The following STXBP2 variants were observed in gnomAD, a reference collection of about 807,000 sequenced individuals.
STXBP2 encodes syntaxin binding protein 2, also known as syntaxin-binding protein 2.
A neutral mutation model predicts 72.2 loss-of-function variants in STXBP2; 47 were observed. The observed-to-expected ratio is 0.65, with a 90% CI of 0.51 to 0.83. The LOEUF (loss-of-function observed/expected upper bound fraction) is 0.83. STXBP2 is among the 40% of genes least tolerant of loss of function. The pLI is 0.00. For synonymous variants in STXBP2, 367 were observed against 338.7 expected, an observed-to-expected ratio of 1.08 and a Z score of -0.92; for missense variants, 702 against 807.6, an observed-to-expected ratio of 0.87 and a Z score of 1.58.
chr19:7,645,892 C>T, intron 15 of STXBP2: 1 of 395,394 alleles, frequency 2.5e-6, no homozygotes, highest in Non-Finnish European at 4.5e-6. Context: ...GCTCCCCTCC[C>T]CTCTCCGTCC....
At chr19:7,645,470 A>G (rs2032096878) in intron 15 of STXBP2, 164 bp downstream of exon 15, 14 of 645,506 alleles carry the variant, frequency 2.2e-5, no homozygotes, top group South Asian at 1.8e-4. Context: ...TGGGGCCCAG[A>G]GGACACTGGG....
At chr19:7,636,076 C>T (rs533162790), upstream of STXBP2, among the ~76,000 whole-genome samples, 1 of 152,302 alleles carries the variant, frequency 6.6e-6, no homozygotes, top group South Asian at 2.1e-4. Flanking sequence ...CCCCTACCTT[C>T]TGTGGCACTT....
chr19:7,631,661 C>G, the STXBP2 span: 2 of 1,453,118 alleles, frequency 1.4e-6, no homozygotes, highest in Non-Finnish European at 9.1e-7. Flanking sequence ...TTTTGGGGGC[C>G]GAGTGAGACC....
upstream of STXBP2, among the ~76,000 whole-genome samples, chr19:7,635,008 C>G (rs1811291457): frequency 6.6e-6 from 1 of 152,372 alleles, no homozygotes; most frequent in Admixed American, 6.5e-5. Context: ...CTACTCTACT[C>G]CAGTGTGACC....
chr19:7,642,565 C>T lies in STXBP2; in HGVS notation c.902+29C>T, dbSNP rs761105342. On this transcript the variant is annotated intron_variant, in intron 10 of 18. Transcript: ENST00000221283. This position sits in a 1 kb window ranked among gnomAD's most constrained non-coding sequence, Gnocchi z 6.0. Reference sequence around the variant, plus strand: ...CGTGCACACGGGGACCGGATCCCCCCCCCACCGCCCACTGTGGGCCTGGTA... The same window carrying T: ...CGTGCACACGGGGACCGGATCCCCCTCCCACCGCCCACTGTGGGCCTGGTA... The T allele has an allele frequency of 1.6e-5, 26 of 1,610,182 alleles. No individual in the cohort carries two copies. Among genetic ancestry groups the T allele is most frequent in the Non-Finnish European group, 2.2e-5 (26 of 1,177,040 alleles).
At chr19:7,637,042 A>AG (rs965910603), upstream of STXBP2, 5 of 1,168,026 alleles carry the variant, frequency 4.3e-6, no homozygotes, top group Non-Finnish European at 5.4e-6. Flanking sequence ...CCAGGTGCGC[A>AG]GGGGGCGGGG....
chr19:7,644,704 G>C lies in STXBP2; in HGVS notation c.1198G>C (p.Ala400Pro). The C allele has an allele frequency of 6.2e-7, 1 of 1,613,762 alleles. No individual in the cohort carries two copies. Among genetic ancestry groups the C allele is most frequent in the Non-Finnish European group, 8.5e-7 (1 of 1,179,842 alleles). The change falls in exon 14 of 19, where the codon GCC becomes CCC. Residue 400 changes from alanine to proline, a missense_variant. Transcript: ENST00000221283. ...VPVLLDAAVP[A>P]YDKIRVLLLY... ...GGTGCTGCTGGACGCGGCGGTGCCC[G>C]CCTACGACAAGATCCGGGTCCTGCT...
At chr19:7,629,818 G>A in the STXBP2 span, 1 of 1,536,936 alleles carries the variant, frequency 6.5e-7, no homozygotes, top group Non-Finnish European at 8.7e-7. Context: ...TGGCTTTGTT[G>A]ACCGGGAGAA....
At chr19:7,647,690 C>T in intron 18 of STXBP2, 35 bp from the exon 19 acceptor site, 2 of 1,611,970 alleles carry the variant, frequency 1.2e-6, no homozygotes, top group Non-Finnish European at 1.7e-6. Context: ...GGCAGCGCCC[C>T]CCAACATCTT....
At chr19:7,638,628 G>A in intron 1 of STXBP2, 98 bp from the exon 2 acceptor site, 1 of 1,303,190 alleles carries the variant, frequency 7.7e-7, no homozygotes, top group Non-Finnish European at 1.1e-6. Flanking sequence ...AAGTAAATGG[G>A]AATTAAGATG....
At chr19:7,633,533 G>A (rs909797034), upstream of STXBP2, 111 of 1,450,062 alleles carry the variant, frequency 7.7e-5, no homozygotes, top group Middle Eastern at 1.8e-4. Flanking sequence ...AAACGTCCAG[G>A]ACGTGGGGGT....
intron 4 of STXBP2, chr19:7,640,210 A>C: frequency 6.4e-6 from 3 of 470,454 alleles, no homozygotes; most frequent in Non-Finnish European, 8.0e-6. Context: ...GTGTGTATGT[A>C]TGTGTCTGCG....
chr19:7,631,577 A>G, the STXBP2 span: 1 of 1,526,444 alleles, frequency 6.6e-7, no homozygotes, highest in Non-Finnish European at 8.8e-7. Flanking sequence ...TGGGAGTCCT[A>G]GCCCCTCCCC....
chr19:7,630,118 A>G, the STXBP2 span: 1 of 400,338 alleles, frequency 2.5e-6, no homozygotes, highest in Non-Finnish European at 4.4e-6. Context: ...TGAGCTGAGA[A>G]GGGGGCTCTA....
At chr19:7,644,932 G>A in intron 14 of STXBP2, 180 bp downstream of exon 14, 1 of 1,460,260 alleles carries the variant, frequency 6.8e-7, no homozygotes, top group Non-Finnish European at 9.0e-7. Context: ...TTCCTCCACT[G>A]AGGTGAGGGC....
the STXBP2 span, chr19:7,629,964 G>A: frequency 7.6e-7 from 1 of 1,322,436 alleles, no homozygotes; most frequent in Non-Finnish European, 1.0e-6. Context: ...GGAGCTCCAA[G>A]GAGAAAGCTC....
chr19:7,644,584 GC>G, intron 13 of STXBP2, 29 bp from the exon 14 acceptor site: 3 of 1,608,808 alleles, frequency 1.9e-6, no homozygotes, highest in Non-Finnish European at 2.5e-6. Context: ...ACACATAGCG[GC>G]CGGTGGACGG....
chr19:7,632,548 A>G (rs1568458957), upstream of STXBP2: 4 of 1,609,416 alleles, frequency 2.5e-6, no homozygotes, highest in Non-Finnish European at 3.4e-6. The surrounding 1 kb of genome is among the most constrained non-coding windows in gnomAD (Gnocchi z 5.2). Context: ...TTGGGAGGAC[A>G]CAGCCGGAGT....
the STXBP2 span, chr19:7,630,873 G>A: frequency 1.3e-6 from 2 of 1,537,228 alleles, no homozygotes; most frequent in Non-Finnish European, 1.7e-6. Context: ...TCCTGCCAGA[G>A]GGATGGAGGA....
Sources: gnomAD v4.1 joint callset for allele counts (sites outside exome capture counted in the v4.1 genomes callset) on GRCh38, gnomAD v4.1.1 for gene constraint, Gnocchi (gnomAD v3.1) non-coding constraint, MANE v1.5 for transcripts, NCBI Gene and HGNC (gene_info 2026-07-23, HGNC 2026-07-21) for gene names.